Variants in DUSP14 observed in about 807,000 individuals in gnomAD.
DUSP14 encodes dual specificity protein phosphatase 14.
In DUSP14, 5 loss-of-function variants were observed where a neutral mutation model predicts 13.2. The observed-to-expected ratio is 0.38, with a 90% CI of 0.20 to 0.80. The LOEUF (loss-of-function observed/expected upper bound fraction) is 0.80, where lower values mean the gene tolerates loss of function less well. Among genes scored for constraint, DUSP14 ranks in the 30% least tolerant of loss-of-function variants. The probability of loss-of-function intolerance (pLI) is 0.44; values close to 1 mark genes in which losing one functional copy is unlikely to be tolerated. For missense variants in DUSP14, 185 were observed against 264.0 expected (o/e 0.70, Z 2.07); for synonymous variants, 91 against 103.4 (o/e 0.88, Z 0.73).
chr17:37,501,758 C>G (rs2054106672), intron 1 of DUSP14, among the ~76,000 whole-genome samples: 1 of 152,218 alleles, frequency 6.6e-6, no homozygotes, highest in African/African-American at 2.4e-5. Context: ...CTCAGGCAAT[C>G]TGCCTGCCTC....
chr17:37,490,181 C>T (rs1408472495), intron 1 of DUSP14, among the ~76,000 whole-genome samples: 2 of 150,464 alleles, frequency 1.3e-5, no homozygotes, highest in African/African-American at 4.9e-5. Flanking sequence ...CCGCAGCGCA[C>T]CCTCGCCGGC....
chr17:37,501,209 G>A (rs977140119), intron 1 of DUSP14, among the ~76,000 whole-genome samples: 3 of 152,222 alleles, frequency 2.0e-5, no homozygotes, highest in Non-Finnish European at 1.5e-5. Context: ...ATGCCCGAAC[G>A]TGCTGCCACA....
rs142739777 is a variant in DUSP14, at chr17:37,503,433, AAAC to A, written c.-180-7241_-180-7239del. Among the ~76,000 whole-genome samples the A allele has an allele frequency of 6.3e-3, 958 of 152,316 alleles. 7 individuals carry two copies. The highest frequency in any genetic ancestry group is 0.02 in the African/African-American group (832 of 41,562). ...AGAGGGAGACCCTGTGTCAAAAACA[AAAC>A]AAAAAACAAGGTTACATTGTAAGAA... On this transcript the variant is annotated intron_variant, in intron 1 of 2. Coordinates refer to ENST00000617516, the MANE Select transcript of DUSP14 (RefSeq NM_007026.4).
intron 1 of DUSP14, among the ~76,000 whole-genome samples, chr17:37,502,206 G>C (rs1163862714): frequency 1.3e-5 from 2 of 151,438 alleles, no homozygotes; most frequent in African/African-American, 4.9e-5. Context: ...TTTTAAGACA[G>C]AGACTTGCTC....
chr17:37,492,599 C>T (rs1450027764), intron 1 of DUSP14, among the ~76,000 whole-genome samples: 4 of 152,126 alleles, frequency 2.6e-5, no homozygotes, highest in African/African-American at 9.7e-5. Flanking sequence ...GGTCTCTGAC[C>T]TTATGAAGCT....
intron 1 of DUSP14, among the ~76,000 whole-genome samples, chr17:37,495,856 C>T (rs2054061585): frequency 6.6e-6 from 1 of 152,054 alleles, no homozygotes; most frequent in Non-Finnish European, 1.5e-5. Context: ...GACAGGGTTT[C>T]ACCATGTTGG....
rs1215759028 is a variant in DUSP14 at position 37,513,152 on chromosome 17, C to T, written c.*283C>T. The stretch of plus-strand genomic sequence containing the variant: ...ATTTGAACAGTTTAATAAACTGGTT[C>T]TGCTCTCTTCTGAATCTCATGCCTT... On this transcript the variant is annotated 3_prime_UTR_variant, in exon 3 of 3. Transcript: ENST00000617516. 6 of 428,560 alleles carry T rather than the reference C, an allele frequency of 1.4e-5. No homozygotes were observed. The highest frequency in any genetic ancestry group is 1.0e-4 in the African/African-American group (5 of 49,836). 26.5% of individuals were successfully genotyped at this position (428,560 alleles called of 1,614,324 possible).
Position 37,512,091 on chromosome 17 carries a change from A to C in DUSP14, c.-92-90A>C, listed in dbSNP as rs564979202. The stretch of plus-strand genomic sequence containing the variant: ...ATTGTACTGTATTATTTAAAAAAAA[A>C]CCCTCTAATCTTCCCATTTGACAAA... On this transcript the variant is annotated intron_variant, in intron 2 of 2. Coordinates refer to ENST00000617516, the MANE Select transcript of DUSP14 (RefSeq NM_007026.4). The surrounding 1 kb of genome is among the most constrained non-coding windows in gnomAD (Gnocchi z 4.8). 72 of 570,534 alleles carry C rather than the reference A, an allele frequency of 1.3e-4. No homozygotes were observed. Among genetic ancestry groups the C allele is most frequent in the Middle Eastern group, 4.5e-4 (1 of 2,214 alleles). 35.3% of individuals were successfully genotyped at this position (570,534 alleles called of 1,614,324 possible).
At chr17:37,490,212 C>T (rs1387282968) in intron 1 of DUSP14, among the ~76,000 whole-genome samples, 1 of 148,022 alleles carries the variant, frequency 6.8e-6, no homozygotes, top group African/African-American at 2.5e-5. Flanking sequence ...CGCCCCCTGC[C>T]GCTCCCCCGC....
intron 1 of DUSP14, among the ~76,000 whole-genome samples, chr17:37,495,506 G>A (rs1321700944): frequency 6.6e-6 from 1 of 152,142 alleles, no homozygotes; most frequent in Non-Finnish European, 1.5e-5. Flanking sequence ...ATGTCTTTGA[G>A]TGTGTGGGTA....
chr17:37,504,782 C>T (rs766155664), intron 1 of DUSP14, among the ~76,000 whole-genome samples: 1 of 152,134 alleles, frequency 6.6e-6, no homozygotes, highest in Non-Finnish European at 1.5e-5. Context: ...GGTCTCATTA[C>T]GTTGCCCCGG....
chr17:37,498,562 G>A (rs774837604), intron 1 of DUSP14, among the ~76,000 whole-genome samples: 13 of 151,736 alleles, frequency 8.6e-5, no homozygotes, highest in African/African-American at 2.9e-4. Context: ...TCCTGACCTC[G>A]TGATCCACCT....
intron 1 of DUSP14, among the ~76,000 whole-genome samples, chr17:37,492,010 C>T (rs2054031676): frequency 6.6e-6 from 1 of 152,086 alleles, no homozygotes; most frequent in African/African-American, 2.4e-5. Flanking sequence ...GGTTTTTTAA[C>T]CGAAATTAAT....
intron 1 of DUSP14, among the ~76,000 whole-genome samples, chr17:37,496,963 C>G (rs563313898): frequency 6.7e-6 from 1 of 149,574 alleles, no homozygotes; most frequent in East Asian, 2.0e-4. Context: ...AGCAAATTAA[C>G]CAGCATCATA....
chr17:37,489,606 A>C (rs1424224390), upstream of DUSP14, among the ~76,000 whole-genome samples: 2 of 151,976 alleles, frequency 1.3e-5, no homozygotes, highest in Non-Finnish European at 2.9e-5. Flanking sequence ...TGACTGGGGA[A>C]GCGAGGGGTC....
upstream of DUSP14, among the ~76,000 whole-genome samples, chr17:37,488,732 A>G (rs865825674): frequency 2.6e-5 from 4 of 152,184 alleles, no homozygotes; most frequent in African/African-American, 9.7e-5. Flanking sequence ...TAACTTTTAG[A>G]TAGTCCAGCA....
At chr17:37,509,640 A>G (rs1029852031) in intron 1 of DUSP14, among the ~76,000 whole-genome samples, 1 of 152,064 alleles carries the variant, frequency 6.6e-6, no homozygotes, top group Admixed American at 6.6e-5. Context: ...TTTATATGCT[A>G]TAAATATATA....
chr17:37,489,071 G>C (rs2054007352), upstream of DUSP14, among the ~76,000 whole-genome samples: 1 of 152,198 alleles, frequency 6.6e-6, no homozygotes, highest in Non-Finnish European at 1.5e-5. Flanking sequence ...GAGGCGGAGG[G>C]GAGGCGGGGC....
At position 37,511,668 on chromosome 17, in the gene DUSP14, G is replaced by C. The variant is rs1291695333; in HGVS notation, c.-92-513G>C. ...GGTGGTGCAATCACAGCTCACTGCA[G>C]CCTCGACCTCCCAGGCTCAAGTGAT... On this transcript the variant is annotated intron_variant, in intron 2 of 2. Coordinates refer to ENST00000617516, the MANE Select transcript of DUSP14 (RefSeq NM_007026.4). Among the ~76,000 whole-genome samples the C allele has an allele frequency of 3.5e-5, 5 of 142,994 alleles. No individual in the cohort carries two copies. In the Admixed American group the frequency reaches 3.8e-4, roughly 11 times the overall value. The allele number at this position is 142,994 out of a possible 152,430, so 93.8% of individuals were successfully genotyped here.
Sources: allele counts gnomAD v4.1 joint callset (sites outside exome capture counted in the v4.1 genomes callset), GRCh38; gene constraint gnomAD v4.1.1; non-coding constraint Gnocchi (gnomAD v3.1); transcripts MANE v1.5; gene names NCBI Gene and HGNC (gene_info 2026-07-23, HGNC 2026-07-21).